Variants in SNX29 observed in about 807,000 individuals in gnomAD.
The protein encoded by SNX29 is sorting nexin 29, also known as sorting nexin-29.
In SNX29, 78 loss-of-function variants were observed where a neutral mutation model predicts 102.1. That is an observed-to-expected ratio of 0.76 (90% CI 0.64 to 0.92). The LOEUF is 0.92. Among genes scored for constraint, SNX29 ranks in the 40% least tolerant of loss-of-function variants. The pLI, the probability that SNX29 is intolerant of heterozygous loss-of-function variation, is 0.00. For missense variants in SNX29, 1,280 were observed against 1,061.7 expected, an observed-to-expected ratio of 1.21 and a Z score of -2.86; for synonymous variants, 580 against 414.5, an observed-to-expected ratio of 1.40 and a Z score of -4.85.
intron 16 of SNX29, among the ~76,000 whole-genome samples, chr16:12,369,444 A>G (rs1376957671): frequency 2.0e-5 from 3 of 152,002 alleles, no homozygotes; most frequent in Non-Finnish European, 2.9e-5. Context: ...CCGCATGTTC[A>G]TATCTTAATA....
chr16:12,338,297 C>T (rs1338100532), intron 15 of SNX29, among the ~76,000 whole-genome samples: 3 of 152,038 alleles, frequency 2.0e-5, no homozygotes, highest in South Asian at 4.1e-4. Context: ...TGGGGTTGGG[C>T]GAGGAAGGGA....
chr16:12,025,763 G>T (rs1388873095), intron 3 of SNX29, among the ~76,000 whole-genome samples: 3 of 152,162 alleles, frequency 2.0e-5, no homozygotes, highest in Non-Finnish European at 4.4e-5. Context: ...ACAGAATGAC[G>T]AGTAAAGATT....
chr16:12,393,392 T>TCATGCATGCATGCATGCATGCATGCATG (rs374651159), intron 16 of SNX29, among the ~76,000 whole-genome samples: 7 of 141,908 alleles, frequency 4.9e-5, no homozygotes, highest in Non-Finnish European at 7.8e-5. Flanking sequence ...ATTCATTCAT[T>TCATGCATGCATGCATGCATGCATGCATG]CATGCATGCA....
intron 20 of SNX29, among the ~76,000 whole-genome samples, chr16:12,539,004 C>G (rs565840635): frequency 1.3e-5 from 2 of 152,164 alleles, no homozygotes; most frequent in African/African-American, 2.4e-5. Context: ...ACCAGTAATT[C>G]GAGCCAAAAC....
At chr16:12,563,879 C>G (rs543283780) in intron 20 of SNX29, among the ~76,000 whole-genome samples, 4 of 152,244 alleles carry the variant, frequency 2.6e-5, no homozygotes, top group African/African-American at 9.6e-5. Context: ...ATCTCTAGCC[C>G]CTTGGGCCTC....
At chr16:12,355,810 T>G (rs552446151) in intron 15 of SNX29, among the ~76,000 whole-genome samples, 1 of 134,192 alleles carries the variant, frequency 7.5e-6, no homozygotes, top group South Asian at 2.3e-4. Context: ...AGTTCCTTGT[T>G]AGATGTCTGA....
chr16:12,571,673 G>C lies in SNX29; in HGVS notation c.*3044G>C, dbSNP rs576079441. 5 of 1,059,530 alleles carry C rather than the reference G, an allele frequency of 4.7e-6. No homozygotes were observed. In the South Asian group the frequency reaches 1.4e-4, roughly 29 times the overall value. 65.6% of individuals were successfully genotyped at this position (1,059,530 alleles called of 1,614,324 possible). ...GACTCAGGAACGGTAGGGCTGGGCAGAGGTGTCTCTCCTTGAGAGACAACA... is the reference window on the plus strand; with the variant it reads ...GACTCAGGAACGGTAGGGCTGGGCACAGGTGTCTCTCCTTGAGAGACAACA... On this transcript the variant is annotated 3_prime_UTR_variant, in exon 21 of 21. Transcript: ENST00000566228.
At chr16:11,987,250 C>T (rs2055667313) in intron 1 of SNX29, among the ~76,000 whole-genome samples, 1 of 150,538 alleles carries the variant, frequency 6.6e-6, no homozygotes, top group African/African-American at 2.4e-5. Flanking sequence ...TTTAAATTTT[C>T]ATAGAGACGA....
chr16:12,430,890 G>A (rs753238084), intron 18 of SNX29, among the ~76,000 whole-genome samples: 4 of 141,462 alleles, frequency 2.8e-5, no homozygotes, highest in Non-Finnish European at 5.9e-5. Flanking sequence ...TCACTCTGTC[G>A]TGCCCAGGCT....
intron 16 of SNX29, chr16:12,375,228 T>C (rs1056347435): frequency 3.3e-5 from 5 of 152,152 alleles, no homozygotes; most frequent in African/African-American, 7.2e-5. Flanking sequence ...CATAGACTCA[T>C]TGGGAATGAT....
chr16:12,121,930 C>T (rs2053990189), intron 11 of SNX29, among the ~76,000 whole-genome samples: 1 of 152,176 alleles, frequency 6.6e-6, no homozygotes, highest in African/African-American at 2.4e-5. Context: ...ATTCTCCTGC[C>T]TCAACCTCCC....
chr16:12,519,983 C>T (rs751462209), intron 19 of SNX29, among the ~76,000 whole-genome samples: 1 of 151,034 alleles, frequency 6.6e-6, no homozygotes, highest in African/African-American at 2.4e-5. Flanking sequence ...GACTCTGTCC[C>T]GCCTGCAAAA....
At chr16:12,231,150 G>A (rs762631541) in intron 14 of SNX29, among the ~76,000 whole-genome samples, 1 of 152,112 alleles carries the variant, frequency 6.6e-6, no homozygotes, top group Non-Finnish European at 1.5e-5. Flanking sequence ...AATGTGCCCT[G>A]CCGGTAATAA....
At chr16:12,435,466 C>T (rs1441036563) in intron 18 of SNX29, among the ~76,000 whole-genome samples, 2 of 152,142 alleles carry the variant, frequency 1.3e-5, no homozygotes, top group African/African-American at 2.4e-5. Flanking sequence ...CAGGCGGGTA[C>T]GAGGCTCTGA....
At chr16:12,089,538 T>A (rs565780260) in intron 11 of SNX29, among the ~76,000 whole-genome samples, 22 of 152,194 alleles carry the variant, frequency 1.4e-4, no homozygotes, top group Admixed American at 1.2e-3. Flanking sequence ...ATGCCCTGTT[T>A]TAAGGCATGT....
intron 13 of SNX29, among the ~76,000 whole-genome samples, chr16:12,180,921 T>A (rs976787774): frequency 9.9e-5 from 15 of 152,210 alleles, no homozygotes; most frequent in African/African-American, 3.6e-4. Context: ...TTCCTGGCTC[T>A]TATCCCCCAT....
intron 3 of SNX29, among the ~76,000 whole-genome samples, chr16:12,008,883 A>T (rs1266586368): frequency 6.6e-6 from 1 of 151,912 alleles, no homozygotes; most frequent in Non-Finnish European, 1.5e-5. Context: ...CTGGGACTAT[A>T]GGTGCGCGCC....
At chr16:12,111,128 G>A (rs2053486406) in intron 11 of SNX29, among the ~76,000 whole-genome samples, 2 of 152,274 alleles carry the variant, frequency 1.3e-5, no homozygotes, top group African/African-American at 4.8e-5. Context: ...AGGGGGCCAA[G>A]GTCTTAATAC....
chr16:12,088,730 G>C lies in SNX29; in HGVS notation c.1402+9815G>C, dbSNP rs182027832. On this transcript the variant is annotated intron_variant, in intron 11 of 20. Transcript: ENST00000566228. Reference sequence around the variant, plus strand: ...GGAGGCTGAGGTGGGAAGATGGCTCGAATGCAGGAGTTCAAGACCAGCCTG... The same window carrying C: ...GGAGGCTGAGGTGGGAAGATGGCTCCAATGCAGGAGTTCAAGACCAGCCTG... Among the ~76,000 whole-genome samples the C allele has an allele frequency of 3.1e-3, 473 of 152,046 alleles. 4 individuals carry two copies. Among genetic ancestry groups the C allele is most frequent in the South Asian group, 5.4e-3 (26 of 4,800 alleles).
Sources: allele counts gnomAD v4.1 joint callset (sites outside exome capture counted in the v4.1 genomes callset), GRCh38; gene constraint gnomAD v4.1.1; transcripts MANE v1.5; gene names NCBI Gene and HGNC (gene_info 2026-07-23, HGNC 2026-07-21).